PRPF19: variants seen among roughly 807,000 people sequenced by gnomAD.
PRPF19 encodes pre-mRNA-processing factor 19.
In PRPF19, 2 loss-of-function variants were observed where a neutral mutation model predicts 64.2. The ratio of observed to expected loss-of-function variants is 0.03; its 90% CI spans 0.01 to 0.10. The LOEUF is 0.10. PRPF19 is among the 10% of genes least tolerant of loss of function. PRPF19 has a pLI of 1.00. For synonymous variants in PRPF19, 226 were observed against 251.6 expected (o/e 0.90, Z 0.96); for missense variants, 314 against 650.0 (o/e 0.48, Z 5.62).
chr11:60,900,244 G>GT (rs1301004678), intron 10 of PRPF19, among the ~76,000 whole-genome samples: 1 of 152,118 alleles, frequency 6.6e-6, no homozygotes, highest in Non-Finnish European at 1.5e-5. Flanking sequence ...TGTCCTCCTC[G>GT]TAAGTGTGAG....
Position 60,897,905 on chromosome 11 carries a change from C to G in PRPF19, c.1358G>C (p.Gly453Ala), listed in dbSNP as rs1262886494. 1 of 1,613,846 alleles carries G rather than the reference C, an allele frequency of 6.2e-7. No individual in the cohort carries two copies. The highest frequency in any genetic ancestry group is 8.5e-7 in the Non-Finnish European group (1 of 1,179,990). Residue 453 changes from glycine to alanine, a missense_variant, in exon 15 of 16, where the codon GGG becomes GCG. Physicochemically the swap from Gly to Ala is moderately conservative, Grantham distance 60. Coordinates refer to ENST00000227524, the MANE Select transcript of PRPF19 (RefSeq NM_014502.5). ...GATGTAGATCTGGACATCCGTGCCCCCAAGAGCCAGGTAGGTACCACTCTG... is the reference window on the plus strand; with the variant it reads ...GATGTAGATCTGGACATCCGTGCCCGCAAGAGCCAGGTAGGTACCACTCTG... ...FDQSGTYLAL[G>A]GTDVQIYICK...
At chr11:60,903,963 C>T in intron 1 of PRPF19, 102 bp from the exon 2 acceptor site, 1 of 1,404,848 alleles carries the variant, frequency 7.1e-7, no homozygotes, top group Non-Finnish European at 9.7e-7. Flanking sequence ...CATCCTCACA[C>T]TCAACTAGCA....
intron 15 of PRPF19, 72 bp downstream of exon 15, chr11:60,897,774 C>A (rs1855937615): frequency 7.6e-7 from 1 of 1,310,058 alleles, no homozygotes. Flanking sequence ...CCTAGAAATT[C>A]CTAACCCAGT....
At position 60,903,724 on chromosome 11, in the gene PRPF19, T is replaced by A. The variant is rs1856011053; in HGVS notation, c.157A>T (p.Ile53Phe). 4 of 1,595,590 alleles carry A rather than the reference T, an allele frequency of 2.5e-6. No individual in the cohort carries two copies. The East Asian group carries it at 8.9e-5, about 36-fold the overall frequency. Residue 53 changes from isoleucine to phenylalanine, a missense_variant, in exon 2 of 16, where the codon ATC becomes TTC. Ile to Phe is a conservative substitution (Grantham distance 21, BLOSUM62 0). Coordinates refer to ENST00000227524, the MANE Select transcript of PRPF19 (RefSeq NM_014502.5). Reference protein sequence around the residue: ...NNQPLSEEQLIDIKVAHPIRP... With the variant: ...NNQPLSEEQLFDIKVAHPIRP... ...AGCCAATAGGCACCTTTGATGTCGA[T>A]GAGCTGCTCCTCGGAGAGAGGCTGG...
Position 60,901,331 on chromosome 11 carries a change from T to C in PRPF19, c.606A>G (p.Glu202=), listed in dbSNP as rs749571640. ...CCACCTGCCGGTATTTGCTGAGCTC[T>C]TCTGGCTTCACCAGCTCCTCAGGCA... ...KTVPEELVKP[E]ELSKYRQVAS... The change falls in exon 8 of 16, where the codon GAA becomes GAG. Residue 202 remains glutamate, a synonymous_variant. Transcript: ENST00000227524. 3.7e-6 allele frequency: 6 copies of C among 1,614,194 alleles called. No homozygotes were observed. Among genetic ancestry groups the C allele is most frequent in the Non-Finnish European group, 4.2e-6 (5 of 1,180,026 alleles).
intron 11 of PRPF19, 71 bp from the exon 12 acceptor site, chr11:60,899,002 G>A (rs1192031548): frequency 6.6e-7 from 1 of 1,512,464 alleles, no homozygotes; most frequent in Admixed American, 2.0e-5. Context: ...CCTTCAGCAA[G>A]ACAGAGCCCC....
chr11:60,900,215 A>G (rs1249670848), intron 10 of PRPF19, among the ~76,000 whole-genome samples: 1 of 152,252 alleles, frequency 6.6e-6, no homozygotes, highest in Non-Finnish European at 1.5e-5. Context: ...TTGGAGGATC[A>G]TGGGAAAGCA....
At chr11:60,897,537 G>T (rs1219705024) in intron 15 of PRPF19, 1 of 252,714 alleles carries the variant, frequency 4.0e-6, no homozygotes, top group Non-Finnish European at 7.6e-6. Context: ...TAATTAAAAT[G>T]GCTCTCCTCC....
chr11:60,899,106 TG>T lies in PRPF19; in HGVS notation c.984+42del, dbSNP rs545362866. On this transcript the variant is annotated intron_variant, in intron 11 of 15. Coordinates refer to ENST00000227524, the MANE Select transcript of PRPF19 (RefSeq NM_014502.5). ...TCCTGCCACCCAGGATGTTCAAGCT[TG>T]GGGACCAGCAGGCCTCTCCAGGGCA... The T allele has an allele frequency of 1.1e-3, 1,680 of 1,584,340 alleles. 10 individuals are homozygous for T. Among genetic ancestry groups the T allele is most frequent in the Middle Eastern group, 0.011 (63 of 5,980 alleles).
intron 15 of PRPF19, among the ~76,000 whole-genome samples, chr11:60,895,432 A>G (rs1456412498): frequency 1.3e-5 from 2 of 152,214 alleles, no homozygotes; most frequent in East Asian, 3.9e-4. Context: ...CCTTCACAGA[A>G]TTCAAGAGTT....
intron 1 of PRPF19, 114 bp downstream of exon 1, chr11:60,906,250 C>T: frequency 7.0e-7 from 1 of 1,420,578 alleles, no homozygotes. Flanking sequence ...GCTCGGCCTC[C>T]GGAGCGCCCC....
Position 60,897,601 on chromosome 11 carries a change from G to C in PRPF19, c.1417+245C>G, listed in dbSNP as rs1391124534. ...GATTCAGTTATCAAAACTTCAGAGG[G>C]ACTTTTCTCTCCCTTTAGTAACCTG... On this transcript the variant is annotated intron_variant, in intron 15 of 15. Coordinates refer to ENST00000227524, the MANE Select transcript of PRPF19 (RefSeq NM_014502.5). 8 of 389,570 alleles carry C rather than the reference G, an allele frequency of 2.1e-5. No homozygotes were observed. The East Asian group carries it at 3.0e-4, about 15-fold the overall frequency. The allele number at this position is 389,570 out of a possible 1,614,324, so 24.1% of individuals were successfully genotyped here. A position where few individuals can be genotyped will look rare whatever the true frequency, so the allele number is the denominator to read the frequency against.
intron 10 of PRPF19, among the ~76,000 whole-genome samples, chr11:60,900,266 T>C (rs1855968664): frequency 6.6e-6 from 1 of 152,200 alleles, no homozygotes; most frequent in Non-Finnish European, 1.5e-5. Context: ...TGAGATTGTG[T>C]TGAGCTTTGT....
At chr11:60,895,577 A>C (rs1590604914) in intron 15 of PRPF19, among the ~76,000 whole-genome samples, 1 of 152,190 alleles carries the variant, frequency 6.6e-6, no homozygotes, top group East Asian at 1.9e-4. Flanking sequence ...CGTTCACTGG[A>C]GTAGCACTTT....
At chr11:60,891,434 T>C (rs1855857418) in intron 15 of PRPF19, among the ~76,000 whole-genome samples, 171 bp from the exon 16 acceptor site, 1 of 152,128 alleles carries the variant, frequency 6.6e-6, no homozygotes, top group African/African-American at 2.4e-5. Context: ...CCCCAGTGCC[T>C]CCCTCAGTGC....
Position 60,899,354 on chromosome 11 carries a change from C to A in PRPF19, c.829-50G>T, listed in dbSNP as rs780765075. On this transcript the variant is annotated intron_variant, in intron 10 of 15. Transcript: ENST00000227524. ...ATCAGAGTCAGAAAAGAGATACAGACCAAAACAATCTTATAAAACGGGGCT... is the reference window on the plus strand; with the variant it reads ...ATCAGAGTCAGAAAAGAGATACAGAACAAAACAATCTTATAAAACGGGGCT... 5.2e-6 allele frequency: 8 copies of A among 1,544,888 alleles called. No individual in the cohort carries two copies. In the Admixed American group the frequency reaches 1.4e-4, roughly 27 times the overall value.
At position 60,900,566 on chromosome 11, in the gene PRPF19, G is replaced by A. The variant is rs375416457; in HGVS notation, c.828+16C>T. ...CAAGGAAAGAAGAACCAAGGGTGGC[G>A]AGGAGAACCCCTTACCTGGGAAGGG... On this transcript the variant is annotated intron_variant, in intron 10 of 15. Coordinates refer to ENST00000227524, the MANE Select transcript of PRPF19 (RefSeq NM_014502.5). The A allele has an allele frequency of 2.2e-5, 33 of 1,524,382 alleles. No homozygotes were observed. The highest frequency in any genetic ancestry group is 1.7e-4 in the Middle Eastern group (1 of 5,740). The allele number at this position is 1,524,382 out of a possible 1,614,324, so 94.4% of individuals were successfully genotyped here.
At chr11:60,901,677 G>A (rs113948640) in intron 6 of PRPF19, 137 bp from the exon 7 acceptor site, 5 of 965,666 alleles carry the variant, frequency 5.2e-6, no homozygotes, top group African/African-American at 4.9e-5. Flanking sequence ...AGGCTTAAAG[G>A]CATTCTCTCT....
intron 2 of PRPF19, 60 bp downstream of exon 2, chr11:60,903,652 C>A: frequency 6.3e-7 from 1 of 1,575,728 alleles, no homozygotes; most frequent in South Asian, 1.2e-5. Context: ...ACTGGCACCA[C>A]CTCCCATCCT....
Sources: gnomAD v4.1 joint callset for allele counts (sites outside exome capture counted in the v4.1 genomes callset) on GRCh38, gnomAD v4.1.1 for gene constraint, MANE v1.5 for transcripts, NCBI Gene and HGNC (gene_info 2026-07-23, HGNC 2026-07-21) for gene names.